The following SLC12A6 variants were observed in gnomAD, a reference collection of about 807,000 sequenced individuals.
SLC12A6 encodes K-Cl cotransporter 3.
SLC12A6 carries 66 observed loss-of-function variants against 135.3 expected under a neutral mutation model. The observed-to-expected ratio is 0.49, with a 90% CI of 0.40 to 0.60. The LOEUF is 0.60. SLC12A6 is among the 20% of genes least tolerant of loss of function. SLC12A6 has a pLI of 0.00. For missense variants in SLC12A6, 1,058 were observed against 1,452.3 expected (o/e 0.73, Z 4.41); for synonymous variants, 513 against 508.8 (o/e 1.01, Z -0.11).
At chr15:34,287,144 C>A (rs116310500) in intron 2 of SLC12A6, among the ~76,000 whole-genome samples, 2,229 of 152,082 alleles carry the variant, frequency 0.015, 65 homozygotes, top group African/African-American at 0.051. Flanking sequence ...CCTTCCCTAC[C>A]CCCCCGGGCT....
rs866672514 is a variant in SLC12A6, at chr15:34,278,431, A to C, written c.272-3042T>G. ...AAAAGAGTGAAACTCCATCTCAAAA[A>C]AAAAGAAAAAAATTAACTCCTCTAT... On this transcript the variant is annotated intron_variant, in intron 2 of 25. Transcript: ENST00000354181. 2.6e-5 allele frequency among the ~76,000 whole-genome samples: 4 copies of C among 152,240 alleles called. No homozygotes were observed. The South Asian group carries it at 8.3e-4, about 32-fold the overall frequency.
At chr15:34,276,751 A>G (rs1894322508) in intron 2 of SLC12A6, among the ~76,000 whole-genome samples, 1 of 152,240 alleles carries the variant, frequency 6.6e-6, no homozygotes, top group Non-Finnish European at 1.5e-5. Context: ...GATTTTGTCT[A>G]ACAATAAATC....
chr15:34,315,218 CATG>C (rs1888553284), intron 2 of SLC12A6, among the ~76,000 whole-genome samples: 1 of 152,212 alleles, frequency 6.6e-6, no homozygotes, highest in African/African-American at 2.4e-5. Context: ...AACAACGTTG[CATG>C]CTACAGAGAA....
chr15:34,336,231 CAAA>C (rs1375099262), intron 2 of SLC12A6, among the ~76,000 whole-genome samples, 176 bp downstream of exon 2: 2 of 152,186 alleles, frequency 1.3e-5, no homozygotes, highest in Non-Finnish European at 2.9e-5. Context: ...ATTACTACTG[CAAA>C]GAGCCACTAT....
intron 8 of SLC12A6, among the ~76,000 whole-genome samples, chr15:34,254,947 G>C (rs1892647691): frequency 6.6e-6 from 1 of 152,202 alleles, no homozygotes; most frequent in South Asian, 2.1e-4. Flanking sequence ...TCAGTGAAGA[G>C]AGATATGAGA....
rs1891041823 is a variant in SLC12A6 at position 34,233,030 on chromosome 15, A to G, written c.*851T>C. On this transcript the variant is annotated 3_prime_UTR_variant, in exon 26 of 26. Coordinates refer to ENST00000354181, the MANE Select transcript of SLC12A6 (RefSeq NM_001365088.1). ...CACCATGACCTGCATTTCTTAGACA[A>G]CAGCTTGTATGTTTTGTCCATGTTG... 1 of 152,190 alleles carries G rather than the reference A, an allele frequency of 6.6e-6. No homozygotes were observed. The highest frequency in any genetic ancestry group is 2.1e-4 in the South Asian group (1 of 4,830). The allele number at this position is 152,190 out of a possible 1,614,324, so 9.4% of individuals were successfully genotyped here.
intron 2 of SLC12A6, among the ~76,000 whole-genome samples, chr15:34,324,296 A>T (rs950475594): frequency 6.6e-6 from 1 of 152,198 alleles, no homozygotes; most frequent in Non-Finnish European, 1.5e-5. Flanking sequence ...TGTATACTTT[A>T]AAAAAATTAT....
At chr15:34,326,743 G>C (rs113879836) in intron 2 of SLC12A6, among the ~76,000 whole-genome samples, 1 of 148,800 alleles carries the variant, frequency 6.7e-6, no homozygotes, top group Non-Finnish European at 1.5e-5. Context: ...CCAGGCTGGA[G>C]TGCAGTGGCA....
chr15:34,260,117 TA>T (rs1171498070), intron 4 of SLC12A6, among the ~76,000 whole-genome samples: 1 of 152,230 alleles, frequency 6.6e-6, no homozygotes, highest in Non-Finnish European at 1.5e-5. Context: ...TACGAGGTGA[TA>T]TATATGCTAA....
chr15:34,258,068 C>T (rs1024609258), intron 5 of SLC12A6, among the ~76,000 whole-genome samples: 2 of 152,108 alleles, frequency 1.3e-5, no homozygotes, highest in African/African-American at 4.8e-5. Context: ...TTTATGTGCA[C>T]CCACAACAAT....
chr15:34,282,194 G>A (rs1400183588), intron 2 of SLC12A6, among the ~76,000 whole-genome samples: 1 of 152,166 alleles, frequency 6.6e-6, no homozygotes, highest in Non-Finnish European at 1.5e-5. Context: ...GATTTGGTAA[G>A]AAACGGTTTG....
chr15:34,249,761 G>C (rs1405719465), intron 13 of SLC12A6, among the ~76,000 whole-genome samples: 2 of 152,124 alleles, frequency 1.3e-5, no homozygotes, highest in African/African-American at 4.8e-5. Context: ...GTTCTTGATG[G>C]ACAGGGAAGT....
intron 2 of SLC12A6, among the ~76,000 whole-genome samples, chr15:34,332,661 T>C (rs1889928733): frequency 6.6e-6 from 1 of 151,940 alleles, no homozygotes; most frequent in Admixed American, 6.6e-5. Context: ...CAGATGCCTG[T>C]AATCCCAGCT....
intron 2 of SLC12A6, among the ~76,000 whole-genome samples, chr15:34,290,892 G>GT (rs1216594370): frequency 6.6e-6 from 1 of 152,090 alleles, no homozygotes; most frequent in Non-Finnish European, 1.5e-5. Context: ...CGTGAGATGG[G>GT]TCTCCTGAAT....
chr15:34,265,512 T>A (rs1260210098), intron 3 of SLC12A6, among the ~76,000 whole-genome samples: 1 of 152,028 alleles, frequency 6.6e-6, no homozygotes, highest in South Asian at 2.1e-4. Context: ...TGGGAGAGAC[T>A]GTGACTAGGG....
chr15:34,300,076 T>C (rs1257164173), intron 2 of SLC12A6, among the ~76,000 whole-genome samples: 1 of 152,018 alleles, frequency 6.6e-6, no homozygotes, highest in East Asian at 1.9e-4. Flanking sequence ...AGATTGAATA[T>C]TGTAATATAT....
intron 23 of SLC12A6, 125 bp downstream of exon 23, chr15:34,236,583 C>T (rs1891282501): frequency 2.8e-6 from 2 of 719,190 alleles, no homozygotes. Flanking sequence ...ACCTCTTGAT[C>T]CACCCGCCTC....
At chr15:34,264,913 T>C (rs969511147) in intron 3 of SLC12A6, among the ~76,000 whole-genome samples, 6 of 152,166 alleles carry the variant, frequency 3.9e-5, no homozygotes, top group Admixed American at 6.5e-5. Context: ...GAGTATAGCT[T>C]AGGCTGGGTG....
chr15:34,281,586 G>A (rs1036600471), intron 2 of SLC12A6, among the ~76,000 whole-genome samples: 5 of 152,172 alleles, frequency 3.3e-5, no homozygotes, highest in African/African-American at 1.2e-4. Flanking sequence ...TCAGGAGATT[G>A]AGACCATCCT....
Sources: allele counts gnomAD v4.1 joint callset (sites outside exome capture counted in the v4.1 genomes callset), GRCh38; gene constraint gnomAD v4.1.1; transcripts MANE v1.5; gene names NCBI Gene and HGNC (gene_info 2026-07-23, HGNC 2026-07-21).